Variants in USF3 observed in about 807,000 individuals in gnomAD.
USF3 encodes the protein upstream transcription factor family member 3.
A neutral mutation model predicts 157.5 loss-of-function variants in USF3; 29 were observed. The ratio of observed to expected loss-of-function variants is 0.18; its 90% confidence interval spans 0.14 to 0.25. USF3 has a LOEUF of 0.25. Among genes scored for constraint, USF3 ranks in the 10% least tolerant of loss-of-function variants. The pLI, the probability that USF3 is intolerant of heterozygous loss-of-function variation, is 1.00. For missense variants in USF3, 2,381 were observed against 2,667.6 expected (o/e 0.89, Z 2.37); for synonymous variants, 893 against 941.4 (o/e 0.95, Z 0.94).
At position 113,654,903 on chromosome 3, in the gene USF3, T is replaced by C. The variant is rs1371957364; in HGVS notation, c.*41A>G. On this transcript the variant is annotated 3_prime_UTR_variant, in exon 7 of 7. Coordinates refer to ENST00000316407, the MANE Select transcript of USF3 (RefSeq NM_001009899.4). ...GTGCACATGCACGCACAAATACATT[T>C]GTAATCTCACTCATTACCTTTACAT... 1.8e-5 allele frequency: 28 copies of C among 1,569,578 alleles called. No homozygotes were observed. Among genetic ancestry groups the C allele is most frequent in the Non-Finnish European group, 2.2e-5 (26 of 1,155,850 alleles).
At chr3:113,687,539 A>G (rs1425292520) in intron 1 of USF3, among the ~76,000 whole-genome samples, 1 of 152,150 alleles carries the variant, frequency 6.6e-6, no homozygotes, top group Admixed American at 6.5e-5. Context: ...TTGCCTCTGT[A>G]TCTATCTGTA....
intron 6 of USF3, among the ~76,000 whole-genome samples, chr3:113,663,005 G>A (rs1426057912): frequency 6.6e-6 from 1 of 150,594 alleles, no homozygotes; most frequent in Non-Finnish European, 1.5e-5. Flanking sequence ...ATGAAGCTGA[G>A]ACTCAAACCT....
chr3:113,677,017 C>T (rs1049503938), intron 2 of USF3, among the ~76,000 whole-genome samples: 4 of 152,010 alleles, frequency 2.6e-5, no homozygotes, highest in African/African-American at 9.7e-5. Context: ...TAACTTTAGC[C>T]CTAGGGAGGA....
At position 113,657,357 on chromosome 3, in the gene USF3, T is replaced by C. The variant is rs1244185468; in HGVS notation, c.4325A>G (p.Gln1442Arg). 6.2e-7 allele frequency: 1 copy of C among 1,614,178 alleles called. No homozygotes were observed. The highest frequency in any genetic ancestry group is 8.5e-7 in the Non-Finnish European group (1 of 1,180,030). The change falls in exon 7 of 7, where the codon CAG (glutamine) becomes CGG (arginine). Residue 1442 changes from glutamine (Q) to arginine (R), a missense_variant. This residue lies in a region of USF3 where 1,435 missense variants were observed against 1,550.9 expected (regional missense o/e 0.93). Transcript: ENST00000316407. The part of the protein sequence containing the change: ...TQASQHLQAL[Q>R]QHVPAQGVSH... ...TACACCTTGAGCTGGAACATGCTGC[T>C]GCAGGGCCTGTAGATGCTGACTTGC...
Position 113,656,974 on chromosome 3 carries a change from A to T in USF3, c.4708T>A (p.Phe1570Ile), listed in dbSNP as rs759133551. The change falls in exon 7 of 7, where the codon TTT (phenylalanine) becomes ATT (isoleucine). Residue 1570 changes from phenylalanine (F) to isoleucine (I), a missense_variant. By Grantham distance (21) the Phe-to-Ile change is conservative. Coordinates refer to ENST00000316407, the MANE Select transcript of USF3 (RefSeq NM_001009899.4). ...QQMQQQMQQH[F>I]GSSQTEKSCE... ...CTCTTCTCTGTCTGGGAGCTTCCAAAGTGTTGCTGCATTTGTTGCTGCATC... is the reference window on the plus strand; with the variant it reads ...CTCTTCTCTGTCTGGGAGCTTCCAATGTGTTGCTGCATTTGTTGCTGCATC... 6.2e-7 allele frequency: 1 copy of T among 1,614,122 alleles called. No individual in the cohort carries two copies. Among genetic ancestry groups the T allele is most frequent in the Admixed American group, 1.7e-5 (1 of 60,014 alleles).
At chr3:113,682,739 C>A (rs1707462307) in intron 1 of USF3, among the ~76,000 whole-genome samples, 1 of 151,812 alleles carries the variant, frequency 6.6e-6, no homozygotes, top group South Asian at 2.1e-4. Flanking sequence ...TAGTTTTTGT[C>A]TTGAAATCTA....
At chr3:113,682,276 G>A (rs1222769194) in intron 1 of USF3, among the ~76,000 whole-genome samples, 1 of 151,972 alleles carries the variant, frequency 6.6e-6, no homozygotes, top group East Asian at 1.9e-4. Context: ...AGTGAGCCAT[G>A]ATCGTGCCAC....
rs1947257703 is a variant in USF3, at chr3:113,651,357, C to T, written c.*3587G>A. The T allele has an allele frequency of 6.6e-6, 1 of 152,152 alleles. No individual in the cohort carries two copies. The highest frequency in any genetic ancestry group is 6.5e-5 in the Admixed American group (1 of 15,286). 9.4% of individuals were successfully genotyped at this position (152,152 alleles called of 1,614,324 possible). ...GGCATACTGGTTCCCAAAGCCAAGA[C>T]TTGGGAATCACTGATTTGGGAGTAT... On this transcript the variant is annotated 3_prime_UTR_variant, in exon 7 of 7. Coordinates refer to ENST00000316407, the MANE Select transcript of USF3 (RefSeq NM_001009899.4).
rs1400188229 is a variant in USF3, at chr3:113,649,977, T to C, written c.*4967A>G. 9.2e-6 allele frequency: 6 copies of C among 648,844 alleles called. No individual in the cohort carries two copies. Among genetic ancestry groups the C allele is most frequent in the Non-Finnish European group, 1.4e-5 (5 of 363,290 alleles). 40.2% of individuals were successfully genotyped at this position (648,844 alleles called of 1,614,324 possible). A position where few individuals can be genotyped will look rare whatever the true frequency, so the allele number is the denominator to read the frequency against. On this transcript the variant is annotated 3_prime_UTR_variant, in exon 7 of 7. Transcript: ENST00000316407. The stretch of plus-strand genomic sequence containing the variant: ...AAGGCATCTTGAGAAGAAACTAACT[T>C]CTGCCTTTAATTTGCATATAAGTAT...
Position 113,651,830 on chromosome 3 carries a change from T to C in USF3, c.*3114A>G, listed in dbSNP as rs1429965880. The C allele has an allele frequency of 6.6e-6, 1 of 152,188 alleles. No individual in the cohort carries two copies. Among genetic ancestry groups the C allele is most frequent in the African/African-American group, 2.4e-5 (1 of 41,454 alleles). The allele number at this position is 152,188 out of a possible 1,614,324, so 9.4% of individuals were successfully genotyped here. On this transcript the variant is annotated 3_prime_UTR_variant, in exon 7 of 7. Coordinates refer to ENST00000316407, the MANE Select transcript of USF3 (RefSeq NM_001009899.4). ...ACAGATGGTCACATTTTTCCTCAGA[T>C]GGTCAAATAAGGCTTATTGAGACTC...
At position 113,659,082 on chromosome 3, in the gene USF3, A is replaced by G. The variant is rs371002849; in HGVS notation, c.2600T>C (p.Leu867Ser). ...TAATGATTCAGAGCTTAGAACACCCAAAGAATGTGAAGCAGAAACACTCAC... is the reference window on the plus strand; with the variant it reads ...TAATGATTCAGAGCTTAGAACACCCGAAGAATGTGAAGCAGAAACACTCAC... ...NSVSVSASHS[L>S]GVLSSESLIP... Residue 867 changes from leucine to serine, a missense_variant, in exon 7 of 7, where the codon TTG becomes TCG. By Grantham distance (145) the Leu-to-Ser change is moderately radical. Around this residue, in one of 6 missense-constraint regions of USF3, gnomAD observed 1,435 missense variants for 1,550.9 expected, o/e 0.93. Coordinates refer to ENST00000316407, the MANE Select transcript of USF3 (RefSeq NM_001009899.4). The G allele has an allele frequency of 3.1e-6, 5 of 1,614,080 alleles. No individual in the cohort carries two copies. The highest frequency in any genetic ancestry group is 4.2e-6 in the Non-Finnish European group (5 of 1,180,022).
Position 113,659,666 on chromosome 3 carries a change from A to T in USF3, c.2016T>A (p.Ala672=). 4 of 1,614,244 alleles carry T rather than the reference A, an allele frequency of 2.5e-6. No homozygotes were observed. Among genetic ancestry groups the T allele is most frequent in the Non-Finnish European group, 2.5e-6 (3 of 1,180,030 alleles). ...CTGATGAAGACATCACAGGCTGCAA[A>T]GCAAAGAGCTGTCCATTTAAAGAAA... is the stretch of plus-strand genomic sequence containing the variant. The part of the protein sequence containing the change: ...QTISLNGQLF[A]LQPVMSSSGT... Residue 672 remains alanine, a synonymous_variant, in exon 7 of 7, where the codon GCT becomes GCA. Transcript: ENST00000316407.
At chr3:113,662,541 C>T (rs919881104) in intron 6 of USF3, among the ~76,000 whole-genome samples, 9 of 152,236 alleles carry the variant, frequency 5.9e-5, no homozygotes, top group Admixed American at 2.0e-4. Flanking sequence ...CCAACAAAGA[C>T]GAGCTGAAAC....
chr3:113,676,656 A>G (rs1256732397), intron 2 of USF3, among the ~76,000 whole-genome samples: 1 of 152,152 alleles, frequency 6.6e-6, no homozygotes, highest in Non-Finnish European at 1.5e-5. Flanking sequence ...TTTCAAAATG[A>G]GTCTACCAAG....
In USF3 at chr3:113,655,815, A is replaced by G; in HGVS notation, c.5867T>C (p.Val1956Ala). Residue 1956 changes from valine (V) to alanine (A), a missense_variant, in exon 7 of 7, where the codon GTG becomes GCG. Val to Ala is a moderately conservative substitution (Grantham distance 64). Around this residue, in one of 6 missense-constraint regions of USF3, gnomAD observed 770 missense variants for 824.2 expected, o/e 0.93. Coordinates refer to ENST00000316407, the MANE Select transcript of USF3 (RefSeq NM_001009899.4). ...GCCTTGATCGCCATTTCCATGAGAC[A>G]CAGATGGATGTGGCAACGCTGGCCT... ...VARPALPHPSVSHGNGDQGPA... is the reference protein window; with the variant it reads ...VARPALPHPSASHGNGDQGPA... 1 of 1,614,150 alleles carries G rather than the reference A, an allele frequency of 6.2e-7. No homozygotes were observed. The highest frequency in any genetic ancestry group is 8.5e-7 in the Non-Finnish European group (1 of 1,180,028).
Position 113,653,464 on chromosome 3 carries a change from G to A in USF3, c.*1480C>T, listed in dbSNP as rs1947298989. On this transcript the variant is annotated 3_prime_UTR_variant, in exon 7 of 7. Coordinates refer to ENST00000316407, the MANE Select transcript of USF3 (RefSeq NM_001009899.4). ...TAAAAGTACCAAAAATTAGCCAGGTGTGGTGGCACGTGCCTGTAGTCCCAG... is the reference window on the plus strand; with the variant it reads ...TAAAAGTACCAAAAATTAGCCAGGTATGGTGGCACGTGCCTGTAGTCCCAG... The A allele has an allele frequency of 6.6e-6, 1 of 152,300 alleles. No individual in the cohort carries two copies. Among genetic ancestry groups the A allele is most frequent in the Non-Finnish European group, 1.5e-5 (1 of 68,318 alleles). 9.4% of individuals were successfully genotyped at this position (152,300 alleles called of 1,614,324 possible). A position where few individuals can be genotyped will look rare whatever the true frequency, so the allele number is the denominator to read the frequency against.
chr3:113,689,784 T>C (rs1342023098), intron 1 of USF3, among the ~76,000 whole-genome samples: 1 of 152,246 alleles, frequency 6.6e-6, no homozygotes, highest in Non-Finnish European at 1.5e-5. Context: ...CATTTTCCTC[T>C]TGGCAGGATT....
In USF3 at chr3:113,676,605, T is replaced by A. The variant is rs570969542; in HGVS notation, c.-19+677A>T. On this transcript the variant is annotated intron_variant, in intron 2 of 6. Coordinates refer to ENST00000316407, the MANE Select transcript of USF3 (RefSeq NM_001009899.4). ...GGATTATGGGAACCATAATTCAAGATGAGATTTGGATGGGGACACAGCCTA... is the reference window on the plus strand; with the variant it reads ...GGATTATGGGAACCATAATTCAAGAAGAGATTTGGATGGGGACACAGCCTA... 4.6e-5 allele frequency among the ~76,000 whole-genome samples: 7 copies of A among 152,126 alleles called. No homozygotes were observed. In the East Asian group the frequency reaches 1.4e-3, roughly 29 times the overall value.
At chr3:113,692,595 C>T (rs1199015925) in intron 1 of USF3, among the ~76,000 whole-genome samples, 2 of 152,040 alleles carry the variant, frequency 1.3e-5, no homozygotes, top group Non-Finnish European at 2.9e-5. Flanking sequence ...TTAAACAATC[C>T]TAATAAGTCT....
Sources: allele counts gnomAD v4.1 joint callset (sites outside exome capture counted in the v4.1 genomes callset), GRCh38; gene constraint gnomAD v4.1.1; regional missense constraint gnomAD v4.1.1; transcripts MANE v1.5; gene names NCBI Gene and HGNC (gene_info 2026-07-23, HGNC 2026-07-21).